The following GPHN variants were observed in gnomAD, a reference collection of about 807,000 sequenced individuals.
GPHN encodes the protein gephyrin.
A neutral mutation model predicts 95.5 loss-of-function variants in GPHN; 17 were observed. That is an observed-to-expected ratio of 0.18 (90% CI 0.12 to 0.27). GPHN has a LOEUF of 0.27. Ranked by LOEUF, GPHN falls within the 10% of genes least tolerant of loss-of-function variation. The pLI is 1.00. For missense variants in GPHN, 660 were observed against 978.1 expected (o/e 0.67, Z 4.34); for synonymous variants, 320 against 322.5 (o/e 0.99, Z 0.08).
chr14:67,243,020 C>T, the GPHN span, among the ~76,000 whole-genome samples: 1 of 152,050 alleles, frequency 6.6e-6, no homozygotes, highest in African/African-American at 2.4e-5. Context: ...TCAGGATCTC[C>T]TGAGGGCTGT....
In GPHN at chr14:66,872,906, A is replaced by G. The variant is rs985691493; in HGVS notation, c.295-7033A>G. 4.0e-5 allele frequency among the ~76,000 whole-genome samples: 6 copies of G among 151,468 alleles called. 1 individual carries two copies. Among genetic ancestry groups the G allele is most frequent in the South Asian group, 2.1e-4 (1 of 4,804 alleles). ...ACTTTGTCCCAAAAAAAAAAAAAAA[A>G]GGGTGCCCTATCCTAAAACTCCTAG... On this transcript the variant is annotated intron_variant, in intron 4 of 22. Coordinates refer to ENST00000478722, the MANE Select transcript of GPHN (RefSeq NM_020806.5).
chr14:67,208,591 C>A, the GPHN span: 1 of 939,058 alleles, frequency 1.1e-6, no homozygotes. Context: ...ATGATATAGT[C>A]AACTCTGAAT....
the GPHN span, chr14:67,663,309 C>A: frequency 3.1e-6 from 2 of 647,942 alleles, no homozygotes; most frequent in Non-Finnish European, 2.5e-6. Context: ...AATATGATAG[C>A]AAGTTTCATT....
intron 8 of GPHN, among the ~76,000 whole-genome samples, chr14:66,943,599 G>C (rs1004985515): frequency 3.3e-5 from 5 of 152,054 alleles, no homozygotes; most frequent in African/African-American, 1.2e-4. Context: ...ATTCTTTAAG[G>C]GTTGTTTTTA....
chr14:66,562,425 C>T (rs957581685), intron 1 of GPHN, among the ~76,000 whole-genome samples: 1 of 152,032 alleles, frequency 6.6e-6, no homozygotes, highest in Non-Finnish European at 1.5e-5. Flanking sequence ...TCACATTGTG[C>T]ATTATAAGTA....
chr14:66,674,372 C>T (rs1411578489), intron 1 of GPHN, among the ~76,000 whole-genome samples: 1 of 152,100 alleles, frequency 6.6e-6, no homozygotes, highest in South Asian at 2.1e-4. Context: ...TGCTGGGTTA[C>T]AGGCATGAGC....
At chr14:67,187,524 A>G in the GPHN span, among the ~76,000 whole-genome samples, 22 of 152,194 alleles carry the variant, frequency 1.4e-4, no homozygotes, top group Admixed American at 1.4e-3. Flanking sequence ...TCCCAAATCT[A>G]TCCTTCACTC....
chr14:67,227,439 C>CAAAAAAAAAAAAA, the GPHN span: 1 of 83,658 alleles, frequency 1.2e-5, no homozygotes. Context: ...GATGCTGTCT[C>CAAAAAAAAAAAAA]AAAAAAAAAA....
chr14:67,305,527 C>T, the GPHN span, among the ~76,000 whole-genome samples: 3 of 152,188 alleles, frequency 2.0e-5, no homozygotes, highest in Admixed American at 6.5e-5. Context: ...GTGGTCCACC[C>T]GCCTCGGCCT....
intron 8 of GPHN, among the ~76,000 whole-genome samples, chr14:66,945,106 G>T (rs2067668726): frequency 6.6e-6 from 1 of 152,116 alleles, no homozygotes; most frequent in African/African-American, 2.4e-5. Flanking sequence ...AAAAAAACAC[G>T]TTCTTGTTAC....
chr14:67,188,972 T>C, the GPHN span, among the ~76,000 whole-genome samples: 1 of 152,146 alleles, frequency 6.6e-6, no homozygotes. Context: ...ATTGCAGGCA[T>C]GAGCCACTGC....
chr14:67,022,491 T>C (rs1283788961), intron 9 of GPHN, among the ~76,000 whole-genome samples: 1 of 151,226 alleles, frequency 6.6e-6, no homozygotes, highest in African/African-American at 2.4e-5. Context: ...TTAAAACTAG[T>C]TGAACAATCT....
intron 1 of GPHN, among the ~76,000 whole-genome samples, chr14:66,537,410 T>G (rs1389171972): frequency 1.3e-5 from 2 of 152,162 alleles, no homozygotes; most frequent in Admixed American, 1.3e-4. Context: ...CTGTGGTTAT[T>G]TTTTAGTTAT....
the GPHN span, among the ~76,000 whole-genome samples, chr14:67,257,761 C>A: frequency 6.6e-6 from 1 of 152,046 alleles, no homozygotes; most frequent in Non-Finnish European, 1.5e-5. Flanking sequence ...GTTCTCTATG[C>A]AGAACTCAGG....
At chr14:66,844,425 C>G (rs2062231535) in intron 4 of GPHN, among the ~76,000 whole-genome samples, 1 of 151,950 alleles carries the variant, frequency 6.6e-6, no homozygotes, top group African/African-American at 2.4e-5. Flanking sequence ...TTGCAAGAGT[C>G]TAAGGAGGAG....
chr14:66,859,222 T>G (rs1244331064), intron 4 of GPHN, among the ~76,000 whole-genome samples: 1 of 152,152 alleles, frequency 6.6e-6, no homozygotes, highest in Non-Finnish European at 1.5e-5. Flanking sequence ...TGTGCTGGCT[T>G]CAGGTCTGAC....
At chr14:67,578,803 G>A in the GPHN span, among the ~76,000 whole-genome samples, 1 of 150,278 alleles carries the variant, frequency 6.7e-6, no homozygotes, top group Admixed American at 6.6e-5. The surrounding 1 kb of genome is among the most constrained non-coding windows in gnomAD (Gnocchi z 5.0). Flanking sequence ...GTGTGGATCT[G>A]GGCATGCTTA....
At chr14:66,596,140 CTT>C (rs1241150821) in intron 1 of GPHN, among the ~76,000 whole-genome samples, 1 of 151,972 alleles carries the variant, frequency 6.6e-6, no homozygotes, top group Admixed American at 6.6e-5. Context: ...GTGGGTGGCT[CTT>C]TTCTGCTGGC....
chr14:67,461,230 T>C, the GPHN span, among the ~76,000 whole-genome samples: 1 of 152,192 alleles, frequency 6.6e-6, no homozygotes, highest in African/African-American at 2.4e-5. Flanking sequence ...CATTGCCTCT[T>C]TTAATCTCCA....
Sources: allele counts gnomAD v4.1 joint callset (sites outside exome capture counted in the v4.1 genomes callset), GRCh38; gene constraint gnomAD v4.1.1; non-coding constraint Gnocchi (gnomAD v3.1); transcripts MANE v1.5; gene names NCBI Gene and HGNC (gene_info 2026-07-23, HGNC 2026-07-21).